Variants in AGBL4 observed in about 807,000 individuals in gnomAD.
AGBL4 encodes cytosolic carboxypeptidase 6.
In AGBL4, 58 loss-of-function variants were observed where a neutral mutation model predicts 66.4. The ratio of observed to expected loss-of-function variants is 0.87; its 90% CI spans 0.71 to 1.09. The LOEUF is 1.09. Among genes scored for constraint, AGBL4 ranks in the 50% least tolerant of loss-of-function variants. The pLI is 0.00. For missense variants in AGBL4, 579 were observed against 631.0 expected (o/e 0.92, Z 0.88); for synonymous variants, 234 against 222.9 (o/e 1.05, Z -0.44).
At chr1:48,544,863 G>T (rs1279754309) in intron 11 of AGBL4, among the ~76,000 whole-genome samples, 3 of 152,118 alleles carry the variant, frequency 2.0e-5, no homozygotes, top group Non-Finnish European at 2.9e-5. Flanking sequence ...CTCAGCTGAG[G>T]CCTCCTCAAA....
chr1:48,734,255 C>T (rs1453060284), intron 6 of AGBL4, among the ~76,000 whole-genome samples: 6 of 152,158 alleles, frequency 3.9e-5, no homozygotes, highest in East Asian at 1.9e-4. Context: ...CCAGAGTCGG[C>T]GGGTGTGTGT....
chr1:49,756,014 T>C (rs1199198668), intron 2 of AGBL4, among the ~76,000 whole-genome samples: 1 of 152,188 alleles, frequency 6.6e-6, no homozygotes, highest in Non-Finnish European at 1.5e-5. Context: ...CACGCCAAAA[T>C]TTACTTACGT....
At chr1:49,159,236 G>T (rs1646495002) in intron 4 of AGBL4, among the ~76,000 whole-genome samples, 1 of 151,898 alleles carries the variant, frequency 6.6e-6, no homozygotes, top group South Asian at 2.1e-4. Context: ...CTTCCTTCAG[G>T]AGCTCTTGTA....
intron 3 of AGBL4, among the ~76,000 whole-genome samples, chr1:49,551,779 C>T (rs374746139): frequency 6.6e-6 from 1 of 152,170 alleles, no homozygotes; most frequent in East Asian, 1.9e-4. Flanking sequence ...GGCCTCCTGC[C>T]GGTAGGTAGT....
At chr1:48,825,099 A>G (rs973605154) in intron 6 of AGBL4, among the ~76,000 whole-genome samples, 2 of 152,218 alleles carry the variant, frequency 1.3e-5, no homozygotes, top group East Asian at 1.9e-4. Flanking sequence ...GAATACTGAG[A>G]TGGGTGAGAA....
chr1:48,711,373 A>G (rs1040704902), intron 6 of AGBL4, among the ~76,000 whole-genome samples: 16 of 152,176 alleles, frequency 1.1e-4, no homozygotes, highest in Admixed American at 5.9e-4. Flanking sequence ...TGAGCCTGTC[A>G]GTTCCCATCT....
Position 49,878,488 on chromosome 1 carries a change from T to C in AGBL4, c.35-26970A>G, listed in dbSNP as rs1357454298. ...AGCAGCTTTGAGTGAGATTCTTAAT[T>C]CTGAGTTCTACTTTGATTGCACTGT... On this transcript the variant is annotated intron_variant, in intron 1 of 13. Coordinates refer to ENST00000371839, the MANE Select transcript of AGBL4 (RefSeq NM_032785.4). Among the ~76,000 whole-genome samples, 260 of 151,934 alleles carry C rather than the reference T, an allele frequency of 1.7e-3. 2 individuals are homozygous for C. The highest frequency in any genetic ancestry group is 5.4e-3 in the African/African-American group (223 of 41,288).
At chr1:49,766,391 G>A (rs146402219) in intron 2 of AGBL4, among the ~76,000 whole-genome samples, 135 of 152,126 alleles carry the variant, frequency 8.9e-4, no homozygotes, top group African/African-American at 3.1e-3. Context: ...AAATCACTAA[G>A]GGAATTCATT....
chr1:49,902,688 A>C (rs1364688016), intron 1 of AGBL4, among the ~76,000 whole-genome samples: 1 of 152,176 alleles, frequency 6.6e-6, no homozygotes. Context: ...TGGAGGTTGC[A>C]GTGAGCTGAG....
chr1:49,300,721 T>C (rs1644729762), intron 3 of AGBL4, among the ~76,000 whole-genome samples: 1 of 152,230 alleles, frequency 6.6e-6, no homozygotes, highest in African/African-American at 2.4e-5. Context: ...CTTTCCTGCA[T>C]ACCTCTCCAG....
At chr1:50,004,932 C>T (rs993802068) in intron 1 of AGBL4, among the ~76,000 whole-genome samples, 1 of 152,102 alleles carries the variant, frequency 6.6e-6, no homozygotes, top group Non-Finnish European at 1.5e-5. Context: ...AACTCAGCCA[C>T]AGTGGGGTAC....
At position 50,014,053 on chromosome 1, in the gene AGBL4, T is replaced by C. The variant is rs542427933; in HGVS notation, c.34+9710A>G. 8.5e-5 allele frequency among the ~76,000 whole-genome samples: 13 copies of C among 152,294 alleles called. No individual in the cohort carries two copies. The Middle Eastern group carries it at 0.01, about 120-fold the overall frequency. On this transcript the variant is annotated intron_variant, in intron 1 of 13. Coordinates refer to ENST00000371839, the MANE Select transcript of AGBL4 (RefSeq NM_032785.4). Reference sequence around the variant, plus strand: ...CCATGCCCTATTTATTATGTCACACTGTCAACAGAGACAGATACATCCAAA... The same window carrying C: ...CCATGCCCTATTTATTATGTCACACCGTCAACAGAGACAGATACATCCAAA...
intron 11 of AGBL4, among the ~76,000 whole-genome samples, chr1:48,550,510 C>T (rs562014462): frequency 6.6e-6 from 1 of 152,222 alleles, no homozygotes; most frequent in East Asian, 1.9e-4. Context: ...TCCAGATAAT[C>T]CAGGATAGTC....
chr1:48,862,138 C>T (rs1460311385), intron 6 of AGBL4, among the ~76,000 whole-genome samples: 1 of 152,134 alleles, frequency 6.6e-6, no homozygotes, highest in Non-Finnish European at 1.5e-5. Flanking sequence ...AAAACTCTCT[C>T]CCACCTGGGG....
chr1:49,002,607 A>G (rs1179834748), intron 5 of AGBL4, among the ~76,000 whole-genome samples: 1 of 152,172 alleles, frequency 6.6e-6, no homozygotes, highest in Non-Finnish European at 1.5e-5. Context: ...TCAACAATGT[A>G]ATGTGTATTT....
At chr1:49,514,190 TCC>T (rs1163126138) in intron 3 of AGBL4, among the ~76,000 whole-genome samples, 1 of 151,852 alleles carries the variant, frequency 6.6e-6, no homozygotes, top group Non-Finnish European at 1.5e-5. Flanking sequence ...CTTCCTCTTT[TCC>T]TAATTGAATA....
At chr1:48,833,051 C>T (rs1333391025) in intron 6 of AGBL4, among the ~76,000 whole-genome samples, 1 of 152,146 alleles carries the variant, frequency 6.6e-6, no homozygotes, top group Non-Finnish European at 1.5e-5. Flanking sequence ...CAATTACTTA[C>T]AATACAGATC....
At chr1:49,362,502 G>T (rs560198118) in intron 3 of AGBL4, among the ~76,000 whole-genome samples, 2 of 146,442 alleles carry the variant, frequency 1.4e-5, no homozygotes, top group Admixed American at 1.4e-4. Context: ...TCTGACTGAT[G>T]AGAGTCTGAG....
At chr1:49,705,902 T>C (rs1239659681) in intron 2 of AGBL4, among the ~76,000 whole-genome samples, 1 of 152,200 alleles carries the variant, frequency 6.6e-6, no homozygotes, top group Non-Finnish European at 1.5e-5. Flanking sequence ...GCCAACTTGA[T>C]CGTGGCAGAT....
Sources: gnomAD v4.1 joint callset for allele counts (sites outside exome capture counted in the v4.1 genomes callset) on GRCh38, gnomAD v4.1.1 for gene constraint, MANE v1.5 for transcripts, NCBI Gene and HGNC (gene_info 2026-07-23, HGNC 2026-07-21) for gene names.